The following NLGN1 variants were observed in gnomAD, a reference collection of about 807,000 sequenced individuals.
The protein encoded by NLGN1 is neuroligin-1.
NLGN1 carries 12 observed loss-of-function variants against 65.5 expected under a neutral mutation model. That is an observed-to-expected ratio of 0.18 (90% CI 0.12 to 0.30). NLGN1 has a LOEUF of 0.30. Ranked by LOEUF, NLGN1 falls within the 10% of genes least tolerant of loss-of-function variation. The pLI, the probability that NLGN1 is intolerant of heterozygous loss-of-function variation, is 1.00. For missense variants in NLGN1, 750 were observed against 1,007.1 expected (o/e 0.74, Z 3.46); for synonymous variants, 350 against 359.5 (o/e 0.97, Z 0.30).
intron 4 of NLGN1, among the ~76,000 whole-genome samples, chr3:174,215,053 G>C (rs1056461741): frequency 6.6e-6 from 1 of 151,894 alleles, no homozygotes; most frequent in Non-Finnish European, 1.5e-5. Context: ...AACTGTCAGG[G>C]AACTGACAGG....
At chr3:174,272,692 T>TAGACAGATAGATAGATAGAC (rs367911787) in intron 4 of NLGN1, among the ~76,000 whole-genome samples, 1 of 149,504 alleles carries the variant, frequency 6.7e-6, no homozygotes, top group African/African-American at 2.4e-5. Flanking sequence ...GATAGATAGA[T>TAGACAGATAGATAGATAGAC]AGATAGATAG....
intron 3 of NLGN1, among the ~76,000 whole-genome samples, chr3:173,779,467 T>A (rs1780802783): frequency 1.1e-5 from 1 of 90,250 alleles, no homozygotes; most frequent in African/African-American, 4.9e-5. Flanking sequence ...GTCATTTTTC[T>A]TAATGGTTTT....
chr3:174,059,138 C>CA (rs1400365976), intron 4 of NLGN1, among the ~76,000 whole-genome samples: 1 of 152,086 alleles, frequency 6.6e-6, no homozygotes, highest in Admixed American at 6.6e-5. Flanking sequence ...TGCTCACTAC[C>CA]AAAGCTGCCA....
intron 4 of NLGN1, among the ~76,000 whole-genome samples, chr3:173,852,355 CAAAAAAAAAAAAAAAAAAAAAAAA>C (rs71162367): frequency 2.1e-5 from 1 of 46,650 alleles, no homozygotes; most frequent in African/African-American, 8.3e-5. Context: ...GACTCCGTCT[CAAAAAAAAAAAAAAAAAAAAAAAA>C]AAAAAAAAAG....
chr3:174,251,852 T>C (rs1022141273), intron 4 of NLGN1, among the ~76,000 whole-genome samples: 9 of 152,174 alleles, frequency 5.9e-5, no homozygotes, highest in Non-Finnish European at 1.0e-4. Flanking sequence ...GTATTTTCTT[T>C]GAATATCCTG....
chr3:173,677,197 G>T (rs780242182), intron 3 of NLGN1, among the ~76,000 whole-genome samples: 1 of 151,908 alleles, frequency 6.6e-6, no homozygotes, highest in Non-Finnish European at 1.5e-5. Context: ...CTGGCTAGAA[G>T]GGTGATCTGA....
At chr3:173,501,414 T>A (rs1731103028) in intron 2 of NLGN1, among the ~76,000 whole-genome samples, 1 of 152,140 alleles carries the variant, frequency 6.6e-6, no homozygotes, top group Admixed American at 6.6e-5. Flanking sequence ...CAGCATCCAG[T>A]AATAATTACT....
intron 4 of NLGN1, among the ~76,000 whole-genome samples, chr3:173,824,754 C>T (rs1236934956): frequency 6.6e-6 from 1 of 152,026 alleles, no homozygotes; most frequent in Non-Finnish European, 1.5e-5. Context: ...AAGCACTTAA[C>T]CATTGTGAAT....
At chr3:173,679,451 T>C (rs1763632680) in intron 3 of NLGN1, among the ~76,000 whole-genome samples, 1 of 151,990 alleles carries the variant, frequency 6.6e-6, no homozygotes, top group Non-Finnish European at 1.5e-5. Context: ...TGAAGTGATT[T>C]GGGGATAAAT....
At chr3:173,955,025 C>T (rs897813586) in intron 4 of NLGN1, among the ~76,000 whole-genome samples, 2 of 152,012 alleles carry the variant, frequency 1.3e-5, no homozygotes, top group Admixed American at 1.3e-4. Flanking sequence ...TTGGCTACAA[C>T]TATTTGACTC....
At chr3:174,291,852 G>A in the NLGN1 span, among the ~76,000 whole-genome samples, 1 of 151,180 alleles carries the variant, frequency 6.6e-6, no homozygotes, top group Non-Finnish European at 1.5e-5. Flanking sequence ...CTATATGGTG[G>A]AGTACAGTAT....
intron 2 of NLGN1, among the ~76,000 whole-genome samples, chr3:173,559,826 T>A (rs1421873293): frequency 6.6e-6 from 1 of 152,204 alleles, no homozygotes; most frequent in African/African-American, 2.4e-5. Context: ...AAGTAGATTT[T>A]AAAATTGCAT....
At position 173,828,610 on chromosome 3, in the gene NLGN1, A is replaced by G. The variant is rs369787206; in HGVS notation, c.646+20778A>G. 5.3e-5 allele frequency among the ~76,000 whole-genome samples: 8 copies of G among 152,294 alleles called. 1 individual carries two copies. The South Asian group carries it at 1.7e-3, about 32-fold the overall frequency. On this transcript the variant is annotated intron_variant, in intron 4 of 6. Coordinates refer to ENST00000457714, the Ensembl canonical transcript of NLGN1. The stretch of plus-strand genomic sequence containing the variant: ...GTAAATAAAATACAAAGTATGTTTG[A>G]TAGTGATAGATGCTGAGGAGAAAAA...
chr3:174,117,468 A>G (rs1347987741), intron 4 of NLGN1, among the ~76,000 whole-genome samples: 2 of 152,040 alleles, frequency 1.3e-5, no homozygotes, highest in African/African-American at 4.8e-5. Context: ...ATACAAAAAA[A>G]AAATTAGCCA....
intron 3 of NLGN1, among the ~76,000 whole-genome samples, chr3:173,666,763 G>A (rs1408671759): frequency 1.3e-5 from 2 of 152,126 alleles, no homozygotes; most frequent in Non-Finnish European, 2.9e-5. Flanking sequence ...TGTCAATAAA[G>A]ATGAGAAGCT....
intron 4 of NLGN1, among the ~76,000 whole-genome samples, chr3:173,931,379 G>A (rs73182698): frequency 0.034 from 5,224 of 152,172 alleles, 123 homozygotes; most frequent in Non-Finnish European, 0.053. Context: ...GGAACATGGA[G>A]GGTTACAGGG....
At chr3:174,264,733 C>T (rs571545567) in intron 4 of NLGN1, among the ~76,000 whole-genome samples, 71 of 152,162 alleles carry the variant, frequency 4.7e-4, no homozygotes, top group Admixed American at 1.4e-3. Context: ...TGAGGAGCTG[C>T]GTTCCTTTGG....
At chr3:174,179,051 T>TA (rs1729933970) in intron 4 of NLGN1, among the ~76,000 whole-genome samples, 1 of 152,116 alleles carries the variant, frequency 6.6e-6, no homozygotes, top group African/African-American at 2.4e-5. Flanking sequence ...GAAATTATGA[T>TA]AATCATATTG....
intron 3 of NLGN1, among the ~76,000 whole-genome samples, chr3:173,675,844 C>CTTTA: frequency 6.7e-6 from 1 of 149,920 alleles, no homozygotes; most frequent in East Asian, 2.0e-4. Context: ...CTGTCTCTGT[C>CTTTA]TCTCTCTCTT....
Sources: allele counts gnomAD v4.1 joint callset (sites outside exome capture counted in the v4.1 genomes callset), GRCh38; gene constraint gnomAD v4.1.1; transcripts MANE v1.5; gene names NCBI Gene and HGNC (gene_info 2026-07-23, HGNC 2026-07-21).